MBNL3: variants seen among roughly 807,000 people sequenced by gnomAD.
The protein encoded by MBNL3 is muscleblind like splicing regulator 3, also known as muscleblind-like protein 3.
MBNL3 carries 6 observed loss-of-function variants against 24.5 expected under a neutral mutation model. The ratio of observed to expected loss-of-function variants is 0.25; its 90% CI spans 0.13 to 0.48. The LOEUF (loss-of-function observed/expected upper bound fraction) is 0.48. Among genes scored for constraint, MBNL3 ranks in the 20% least tolerant of loss-of-function variants. MBNL3 has a pLI of 0.99. For missense variants in MBNL3, 230 were observed against 293.5 expected (o/e 0.78, Z 1.58); for synonymous variants, 100 against 101.7 (o/e 0.98, Z 0.10).
chrX:132,439,026 T>A (rs1256283458), intron 2 of MBNL3, among the ~76,000 whole-genome samples: 1 of 110,506 alleles, frequency 9.0e-6, no homozygotes, highest in Admixed American at 9.7e-5. Context: ...ATGGATAATA[T>A]GCTATAATTC....
At chrX:132,479,102 A>G (rs1317607512) in intron 1 of MBNL3, among the ~76,000 whole-genome samples, 1 of 111,526 alleles carries the variant, frequency 9.0e-6, no homozygotes, top group Non-Finnish European at 1.9e-5. Flanking sequence ...TACAAAAATT[A>G]GCATGGTATG....
rs997080166 is a variant in MBNL3, at chrX:132,371,389, A to G, written c.*8277T>C. On this transcript the variant is annotated 3_prime_UTR_variant, in exon 9 of 9. Coordinates refer to ENST00000370853, the MANE Select transcript of MBNL3 (RefSeq NM_001386889.1). ...TCGCATTTTTGAAGCATTTTGAAATAAGGCAGAATAAAGTATTACTAAATT... is the reference window on the plus strand; with the variant it reads ...TCGCATTTTTGAAGCATTTTGAAATGAGGCAGAATAAAGTATTACTAAATT... 7 of 112,628 alleles carry G rather than the reference A, an allele frequency of 6.2e-5. No homozygotes were observed. Among genetic ancestry groups the G allele is most frequent in the African/African-American group, 1.9e-4 (6 of 31,091 alleles). 9.3% of individuals were successfully genotyped at this position (112,628 alleles called of 1,213,427 possible).
chrX:132,385,434 G>C (rs765236290), intron 6 of MBNL3, among the ~76,000 whole-genome samples: 85 of 111,341 alleles, frequency 7.6e-4, no homozygotes, highest in Non-Finnish European at 1.4e-3. Context: ...AAGGTAGAGT[G>C]ATCTAATGTG....
chrX:132,458,356 G>A (rs1227807617), intron 1 of MBNL3, among the ~76,000 whole-genome samples: 2 of 107,014 alleles, frequency 1.9e-5, no homozygotes, highest in African/African-American at 6.8e-5. Context: ...CTGAAGAATA[G>A]GCCAAACCAT....
intron 2 of MBNL3, among the ~76,000 whole-genome samples, chrX:132,410,988 T>C (rs192105937): frequency 1.8e-5 from 2 of 112,456 alleles, no homozygotes; most frequent in Non-Finnish European, 3.8e-5. Context: ...AATATTGATA[T>C]AGATGCACAA....
At chrX:132,396,907 CATATATACATATAT>C (rs1407977113) in intron 3 of MBNL3, among the ~76,000 whole-genome samples, 64 of 57,305 alleles carry the variant, frequency 1.1e-3, no homozygotes, top group Non-Finnish European at 1.4e-3. Flanking sequence ...TTCATATATA[CATATATACATATAT>C]ATTCATATAT....
chrX:132,446,115 G>A (rs1945703664), intron 1 of MBNL3, among the ~76,000 whole-genome samples: 1 of 111,838 alleles, frequency 8.9e-6, no homozygotes, highest in Admixed American at 9.4e-5. Flanking sequence ...TCCCTGCAAA[G>A]GACGTGAACT....
chrX:132,404,520 G>T (rs1332254220), intron 3 of MBNL3, among the ~76,000 whole-genome samples: 1 of 112,086 alleles, frequency 8.9e-6, no homozygotes, highest in African/African-American at 3.2e-5. Flanking sequence ...TCACCTTCTA[G>T]GAACTAATTT....
intron 2 of MBNL3, chrX:132,432,282 C>T (rs1377430782): frequency 9.0e-6 from 1 of 111,599 alleles, no homozygotes; most frequent in Admixed American, 9.5e-5. Flanking sequence ...ACTCTACTAT[C>T]GTTGAAATTT....
At chrX:132,379,764 T>C in intron 8 of MBNL3, 87 bp from the exon 9 acceptor site, 1 of 758,506 alleles carries the variant, frequency 1.3e-6, no homozygotes, top group Non-Finnish European at 2.0e-6. Context: ...TGGTGGGTCT[T>C]GTTCCAGTTC....
At chrX:132,418,900 A>G (rs1943541845) in intron 2 of MBNL3, among the ~76,000 whole-genome samples, 1 of 112,085 alleles carries the variant, frequency 8.9e-6, no homozygotes, top group African/African-American at 3.2e-5. Flanking sequence ...CAGCGTCCCG[A>G]GTAGCTGGGA....
intron 1 of MBNL3, among the ~76,000 whole-genome samples, chrX:132,488,635 GGAGGAGGAA>G (rs1484633620): frequency 9.0e-6 from 1 of 111,213 alleles, no homozygotes; most frequent in Admixed American, 9.5e-5. Flanking sequence ...GGAAGGAAGG[GGAGGAGGAA>G]GAGAAGAGGA....
At chrX:132,383,888 A>C (rs1277960559) in intron 7 of MBNL3, among the ~76,000 whole-genome samples, 1 of 111,361 alleles carries the variant, frequency 9.0e-6, no homozygotes, top group Admixed American at 9.5e-5. Context: ...GGTTGGGATC[A>C]TTTCTCCTTG....
chrX:132,403,800 T>C (rs1056664275), intron 3 of MBNL3, among the ~76,000 whole-genome samples: 1 of 111,515 alleles, frequency 9.0e-6, no homozygotes, highest in African/African-American at 3.3e-5. Flanking sequence ...GGCATTTCAC[T>C]AGTACCCTGA....
intron 1 of MBNL3, among the ~76,000 whole-genome samples, chrX:132,468,125 A>C (rs954718311): frequency 8.9e-6 from 1 of 112,258 alleles, no homozygotes; most frequent in Admixed American, 9.5e-5. Flanking sequence ...GAATGGCATC[A>C]ATGCAGTCAA....
chrX:132,489,605 T>C (rs1387454776), upstream of MBNL3, among the ~76,000 whole-genome samples: 3 of 111,364 alleles, frequency 2.7e-5, no homozygotes, highest in Admixed American at 2.8e-4. Context: ...GGGCCGCGCC[T>C]CCGTGCGTCC....
intron 7 of MBNL3, among the ~76,000 whole-genome samples, chrX:132,383,536 A>G (rs1935405217): frequency 8.9e-6 from 1 of 112,510 alleles, no homozygotes; most frequent in Non-Finnish European, 1.9e-5. Flanking sequence ...ACATTTCTCA[A>G]ACTTGCAGAA....
At chrX:132,400,548 G>T (rs945929251) in intron 3 of MBNL3, among the ~76,000 whole-genome samples, 1 of 111,587 alleles carries the variant, frequency 9.0e-6, no homozygotes, top group East Asian at 2.8e-4. Context: ...CCTTAAGAAT[G>T]AAACACACGA....
chrX:132,478,172 G>T (rs1037429591), intron 1 of MBNL3, among the ~76,000 whole-genome samples: 4 of 107,248 alleles, frequency 3.7e-5, no homozygotes, highest in Non-Finnish European at 5.8e-5. Context: ...ACACCCAATT[G>T]TCCCAAGGTT....
Sources: allele counts gnomAD v4.1 joint callset (sites outside exome capture counted in the v4.1 genomes callset), GRCh38; gene constraint gnomAD v4.1.1; transcripts MANE v1.5; gene names NCBI Gene and HGNC (gene_info 2026-07-23, HGNC 2026-07-21).